MSRA: variants seen among roughly 807,000 people sequenced by gnomAD.
MSRA encodes the protein methionine sulfoxide reductase A.
MSRA carries 54 observed loss-of-function variants against 31.3 expected under a neutral mutation model. The ratio of observed to expected loss-of-function variants is 1.73; its 90% CI spans 1.39 to 2.17. MSRA has a LOEUF of 2.17. Ranked by LOEUF, MSRA falls within the 30% of genes most tolerant of loss-of-function variation. MSRA has a pLI of 0.00. For synonymous variants in MSRA, 169 were observed against 116.5 expected, an observed-to-expected ratio of 1.45 and a Z score of -2.90; for missense variants, 507 against 300.9, an observed-to-expected ratio of 1.69 and a Z score of -5.07.
chr8:10,340,563 G>C (rs1252155029), intron 5 of MSRA, among the ~76,000 whole-genome samples: 4 of 152,220 alleles, frequency 2.6e-5, no homozygotes, highest in Admixed American at 1.3e-4. Context: ...GGTAGAGACA[G>C]GGCCTCGCCA....
intron 5 of MSRA, among the ~76,000 whole-genome samples, chr8:10,416,907 C>T (rs984317452): frequency 6.6e-6 from 1 of 152,224 alleles, no homozygotes; most frequent in African/African-American, 2.4e-5. Flanking sequence ...GTAGCTCTGT[C>T]GTTCTGCATT....
chr8:10,297,721 A>G (rs920628989), intron 3 of MSRA, among the ~76,000 whole-genome samples: 4 of 152,238 alleles, frequency 2.6e-5, no homozygotes, highest in Admixed American at 6.5e-5. Context: ...AGGCAAATGA[A>G]TCTTGAATTT....
At chr8:10,108,263 C>T (rs1284315489) in intron 1 of MSRA, among the ~76,000 whole-genome samples, 4 of 152,198 alleles carry the variant, frequency 2.6e-5, no homozygotes, top group East Asian at 1.9e-4. Flanking sequence ...GTTCCATTTT[C>T]ACTCACAGGG....
intron 1 of MSRA, among the ~76,000 whole-genome samples, chr8:10,121,829 C>T (rs1051908909): frequency 3.6e-5 from 5 of 139,092 alleles, no homozygotes; most frequent in Non-Finnish European, 4.6e-5. Context: ...CACCACCATA[C>T]GCAACTAATT....
intron 3 of MSRA, among the ~76,000 whole-genome samples, chr8:10,298,958 G>A (rs1385456552): frequency 2.6e-5 from 4 of 152,102 alleles, no homozygotes; most frequent in Admixed American, 1.3e-4. Flanking sequence ...TGTGGCTCTT[G>A]CTACATACAC....
chr8:10,054,487 C>T lies in MSRA; in HGVS notation c.-30C>T, dbSNP rs575436296. ...GCTCCGCTGCCGGTAGCGCCGTCCC[C>T]CGGGACCACCCTTCGGCTGGCGCCC... On this transcript the variant is annotated 5_prime_UTR_variant, in exon 1 of 6. Coordinates refer to ENST00000317173, the MANE Select transcript of MSRA (RefSeq NM_012331.5). The T allele has an allele frequency of 7.7e-5, 120 of 1,554,330 alleles. No homozygotes were observed. The East Asian group carries it at 2.7e-3, about 35-fold the overall frequency.
rs556690071 is a variant in MSRA, at chr8:10,415,184, G to C, written c.544-12964G>C. ...CCCCAGGAGGGTGCAGCTTAGACCTGCAGCCAGCCCTGTCCAGCCTGGTGG... is the reference window on the plus strand; with the variant it reads ...CCCCAGGAGGGTGCAGCTTAGACCTCCAGCCAGCCCTGTCCAGCCTGGTGG... On this transcript the variant is annotated intron_variant, in intron 5 of 5. Coordinates refer to ENST00000317173, the MANE Select transcript of MSRA (RefSeq NM_012331.5). Among the ~76,000 whole-genome samples, 132 of 152,302 alleles carry C rather than the reference G, an allele frequency of 8.7e-4. 1 individual carries two copies. Among genetic ancestry groups the C allele is most frequent in the Middle Eastern group, 6.8e-3 (2 of 294 alleles).
chr8:10,389,910 C>G (rs1430684637), intron 5 of MSRA, among the ~76,000 whole-genome samples: 2 of 152,022 alleles, frequency 1.3e-5, no homozygotes, highest in Admixed American at 6.5e-5. Context: ...GTGCACGGAG[C>G]TGCGCTCAGG....
At chr8:10,194,989 A>T (rs1807848937) in intron 1 of MSRA, among the ~76,000 whole-genome samples, 1 of 152,260 alleles carries the variant, frequency 6.6e-6, no homozygotes, top group Non-Finnish European at 1.5e-5. Context: ...AGAATGCAGT[A>T]CTATTCTCCT....
chr8:10,139,575 T>C (rs1046418591), intron 1 of MSRA, among the ~76,000 whole-genome samples: 1 of 152,230 alleles, frequency 6.6e-6, no homozygotes, highest in East Asian at 1.9e-4. Flanking sequence ...TATGTCCATG[T>C]ATACACATTA....
At chr8:10,335,550 G>C (rs563460600) in intron 5 of MSRA, among the ~76,000 whole-genome samples, 1 of 152,248 alleles carries the variant, frequency 6.6e-6, no homozygotes, top group Non-Finnish European at 1.5e-5. Context: ...CTGACCCCGT[G>C]GCCTAGTGAA....
chr8:10,341,225 G>C (rs189848568), intron 5 of MSRA, among the ~76,000 whole-genome samples: 12 of 152,344 alleles, frequency 7.9e-5, no homozygotes, highest in African/African-American at 2.9e-4. Flanking sequence ...TGATTCTGCA[G>C]GCTTTACAGG....
intron 1 of MSRA, among the ~76,000 whole-genome samples, chr8:10,153,338 C>T (rs904033662): frequency 3.9e-5 from 6 of 152,102 alleles, no homozygotes; most frequent in African/African-American, 1.4e-4. Flanking sequence ...CCCTTGCCTT[C>T]CACCTTCCTT....
At chr8:10,189,401 G>C (rs926088781) in intron 1 of MSRA, among the ~76,000 whole-genome samples, 1 of 152,154 alleles carries the variant, frequency 6.6e-6, no homozygotes. Flanking sequence ...AGTAGAGTGA[G>C]TGTAAACCCT....
At chr8:10,372,970 A>G (rs1585613931) in intron 5 of MSRA, among the ~76,000 whole-genome samples, 1 of 152,096 alleles carries the variant, frequency 6.6e-6, no homozygotes, top group Non-Finnish European at 1.5e-5. Context: ...CCCAATTGCA[A>G]CCTCCGCCTC....
chr8:10,113,324 T>C (rs1326088021), intron 1 of MSRA, among the ~76,000 whole-genome samples: 1 of 133,678 alleles, frequency 7.5e-6, no homozygotes, highest in Non-Finnish European at 1.5e-5. Context: ...TGGAGGTGTG[T>C]GTTTAAATGC....
chr8:10,092,017 G>A (rs774361771), intron 1 of MSRA, among the ~76,000 whole-genome samples: 1 of 150,980 alleles, frequency 6.6e-6, no homozygotes, highest in African/African-American at 2.4e-5. Flanking sequence ...CCACGTTCTT[G>A]TCAATACTTG....
intron 1 of MSRA, among the ~76,000 whole-genome samples, chr8:10,090,995 A>G (rs998699612): frequency 6.6e-6 from 1 of 152,176 alleles, no homozygotes; most frequent in Non-Finnish European, 1.5e-5. Flanking sequence ...GTGGGCATTT[A>G]TGTGTGCATT....
intron 1 of MSRA, among the ~76,000 whole-genome samples, chr8:10,057,037 C>T (rs1473424114): frequency 1.3e-5 from 2 of 152,180 alleles, no homozygotes; most frequent in African/African-American, 4.8e-5. Context: ...CAATTCCACC[C>T]TTTTACACAC....
Sources: allele counts gnomAD v4.1 joint callset (sites outside exome capture counted in the v4.1 genomes callset), GRCh38; gene constraint gnomAD v4.1.1; transcripts MANE v1.5; gene names NCBI Gene and HGNC (gene_info 2026-07-23, HGNC 2026-07-21).